BAZ2B: variants seen among roughly 807,000 people sequenced by gnomAD.
BAZ2B encodes the protein bromodomain adjacent to zinc finger domain 2B.
Under a neutral mutation model 246.0 loss-of-function variants are expected in BAZ2B, and 91 were observed. The observed-to-expected ratio is 0.37, with a 90% CI of 0.31 to 0.44. The LOEUF is 0.44. BAZ2B is among the 20% of genes least tolerant of loss of function. The pLI, the probability that BAZ2B is intolerant of heterozygous loss-of-function variation, is 1.00. For synonymous variants in BAZ2B, 855 were observed against 860.0 expected (o/e 0.99, Z 0.10); for missense variants, 2,332 against 2,533.7 (o/e 0.92, Z 1.71).
At chr2:159,610,394 C>T (rs1393351785) in intron 1 of BAZ2B, among the ~76,000 whole-genome samples, 1 of 152,150 alleles carries the variant, frequency 6.6e-6, no homozygotes, top group Admixed American at 6.5e-5. Context: ...TTCAGTACAC[C>T]GTTCTTTACA....
the BAZ2B span, among the ~76,000 whole-genome samples, chr2:159,680,001 C>A: frequency 6.6e-6 from 1 of 152,306 alleles, no homozygotes; most frequent in Non-Finnish European, 1.5e-5. Flanking sequence ...TTATTCTCAA[C>A]AAACTGTAAT....
intron 34 of BAZ2B, among the ~76,000 whole-genome samples, chr2:159,331,539 C>T (rs2064787523): frequency 6.6e-6 from 1 of 152,032 alleles, no homozygotes; most frequent in Admixed American, 6.6e-5. Context: ...TTTTGCCTGG[C>T]TAAAATTTTG....
At chr2:159,675,847 C>T in the BAZ2B span, among the ~76,000 whole-genome samples, 60,866 of 151,560 alleles carry the variant, frequency 0.4, 12,716 homozygotes, top group African/African-American at 0.49. Context: ...TTAAGCTATC[C>T]TCTCACCTCA....
At chr2:159,539,585 T>G (rs1291560555) in intron 2 of BAZ2B, among the ~76,000 whole-genome samples, 2 of 152,206 alleles carry the variant, frequency 1.3e-5, no homozygotes, top group Non-Finnish European at 2.9e-5. Flanking sequence ...CAAAAAAATC[T>G]TCCAGGCTAG....
intron 3 of BAZ2B, 128 bp from the exon 4 acceptor site, chr2:159,453,929 TG>T: frequency 1.3e-6 from 1 of 795,616 alleles, no homozygotes; most frequent in Non-Finnish European, 1.7e-6. Flanking sequence ...CTTTTCCTGC[TG>T]CATTTTCTAC....
intron 26 of BAZ2B, 114 bp from the exon 27 acceptor site, chr2:159,373,303 G>A: frequency 3.3e-6 from 3 of 904,422 alleles, no homozygotes; most frequent in Non-Finnish European, 4.6e-6. Flanking sequence ...TCACTACTGG[G>A]AAAAGAGCAA....
intron 3 of BAZ2B, chr2:159,459,570 T>A (rs1050335264): frequency 7.2e-5 from 11 of 152,174 alleles, no homozygotes; most frequent in African/African-American, 2.7e-4. Context: ...TCTTCAACTA[T>A]CTTAACATTT....
At chr2:159,588,279 T>C (rs1433873653) in intron 1 of BAZ2B, among the ~76,000 whole-genome samples, 1 of 151,288 alleles carries the variant, frequency 6.6e-6, no homozygotes, top group African/African-American at 2.4e-5. Flanking sequence ...CTTACCATTA[T>C]ATAACCATAT....
intron 2 of BAZ2B, among the ~76,000 whole-genome samples, chr2:159,506,565 G>A (rs544401051): frequency 3.3e-5 from 5 of 152,222 alleles, no homozygotes; most frequent in South Asian, 2.1e-4. Context: ...CAGTAACTCC[G>A]CAAAGAACCA....
At chr2:159,394,044 A>G (rs1468023386) in intron 20 of BAZ2B, among the ~76,000 whole-genome samples, 2 of 152,038 alleles carry the variant, frequency 1.3e-5, no homozygotes, top group Non-Finnish European at 2.9e-5. Flanking sequence ...ATGCCTAAAG[A>G]TAACGTTCTG....
At chr2:159,397,077 A>C in intron 19 of BAZ2B, 1 of 1,418,926 alleles carries the variant, frequency 7.0e-7, no homozygotes, top group East Asian at 3.3e-5. Flanking sequence ...CCCATACCAT[A>C]TCTAGTCTAT....
At chr2:159,669,052 C>T in the BAZ2B span, among the ~76,000 whole-genome samples, 1 of 126,734 alleles carries the variant, frequency 7.9e-6, no homozygotes, top group Admixed American at 7.3e-5. Context: ...CAAGAGACTC[C>T]GTCTCAAAAA....
intron 3 of BAZ2B, 57 bp downstream of exon 3, chr2:159,478,518 T>C (rs563016061): frequency 4.6e-6 from 7 of 1,517,184 alleles, no homozygotes; most frequent in East Asian, 2.4e-5. Flanking sequence ...CAATAAAATA[T>C]TATGCAAATT....
chr2:159,672,154 TTTC>T, the BAZ2B span, among the ~76,000 whole-genome samples: 5 of 152,204 alleles, frequency 3.3e-5, no homozygotes, highest in African/African-American at 1.2e-4. Context: ...TGAGAATAGT[TTTC>T]TAGTTGCAAC....
rs745392195 is a variant in BAZ2B, at chr2:159,373,140, C to A, written c.4118G>T (p.Arg1373Leu). Reference protein sequence around the residue: ...RKLFDASHSLRSVMFGQDRYR... With the variant: ...RKLFDASHSLLSVMFGQDRYR... ...ACGATCTTGGCCAAACATCACTGAA[C>A]GCAATGAGTGAGACGCATCAAAGAG... is the stretch of plus-strand genomic sequence containing the variant. Residue 1373 changes from arginine (R) to leucine (L), a missense_variant, in exon 27 of 37, where the codon CGT becomes CTT. By Grantham distance (102) the Arg-to-Leu change is moderately radical. This residue lies in a region of BAZ2B where 676 missense variants were observed against 668.6 expected (regional missense o/e 1.01). Transcript: ENST00000392783. The A allele has an allele frequency of 6.2e-7, 1 of 1,614,018 alleles. No individual in the cohort carries two copies. The highest frequency in any genetic ancestry group is 1.3e-5 in the African/African-American group (1 of 75,052).
intron 2 of BAZ2B, among the ~76,000 whole-genome samples, chr2:159,515,694 C>T (rs550798597): frequency 6.2e-4 from 94 of 152,116 alleles, no homozygotes; most frequent in African/African-American, 2.2e-3. Context: ...GTCCCAAGAC[C>T]ACAGATGGAG....
At chr2:159,399,006 A>T in intron 17 of BAZ2B, 112 bp from the exon 18 acceptor site, 1 of 854,156 alleles carries the variant, frequency 1.2e-6, no homozygotes, top group Non-Finnish European at 1.8e-6. Flanking sequence ...ACAGTATGTA[A>T]CACATATGTA....
At chr2:159,472,257 T>A (rs1044261120) in intron 3 of BAZ2B, among the ~76,000 whole-genome samples, 2 of 152,232 alleles carry the variant, frequency 1.3e-5, no homozygotes, top group East Asian at 1.9e-4. Flanking sequence ...TGGCTGTTTG[T>A]CTATTATTGC....
chr2:159,440,881 A>G (rs1003504715), intron 6 of BAZ2B, among the ~76,000 whole-genome samples: 3 of 152,132 alleles, frequency 2.0e-5, no homozygotes, highest in African/African-American at 7.2e-5. Context: ...CACTTCAATA[A>G]GCAGACTAAT....
Sources: allele counts gnomAD v4.1 joint callset (sites outside exome capture counted in the v4.1 genomes callset), GRCh38; gene constraint gnomAD v4.1.1; regional missense constraint gnomAD v4.1.1; transcripts MANE v1.5; gene names NCBI Gene and HGNC (gene_info 2026-07-23, HGNC 2026-07-21).